Variants in ZNF326 observed in about 807,000 individuals in gnomAD.
ZNF326 encodes the protein zinc finger protein 326, also known as DBIRD complex subunit ZNF326.
Under a neutral mutation model 63.1 loss-of-function variants are expected in ZNF326, and 30 were observed. The ratio of observed to expected loss-of-function variants is 0.48; its 90% CI spans 0.36 to 0.64. ZNF326 has a LOEUF of 0.64. ZNF326 is among the 30% of genes least tolerant of loss of function. ZNF326 has a pLI of 0.00. For synonymous variants in ZNF326, 194 were observed against 228.2 expected (o/e 0.85, Z 1.35); for missense variants, 609 against 720.3 (o/e 0.85, Z 1.77).
chr1:89,998,934 A>T (rs1048641728), intron 2 of ZNF326, among the ~76,000 whole-genome samples: 1 of 152,246 alleles, frequency 6.6e-6, no homozygotes, highest in Admixed American at 6.5e-5. Flanking sequence ...TATGCCATTT[A>T]TGGGAATAAT....
intron 1 of ZNF326, among the ~76,000 whole-genome samples, chr1:89,996,297 T>G (rs1648370012): frequency 6.6e-6 from 1 of 152,212 alleles, no homozygotes; most frequent in Non-Finnish European, 1.5e-5. Flanking sequence ...CTAAGTAGGC[T>G]GTAAACTTTT....
At position 90,035,319 on chromosome 1, in the gene ZNF326, AGTTTT is replaced by A. The variant is rs1351062441; in HGVS notation, c.*7623_*7627del. The stretch of plus-strand genomic sequence containing the variant: ...AAAACTATTAGAAATGACAAAAGGT[AGTTTT>A]GTTTAATAGTTCACCATGAAAATCT... On this transcript the variant is annotated 3_prime_UTR_variant, in exon 12 of 12. Transcript: ENST00000340281. The A allele has an allele frequency of 6.6e-6, 1 of 152,226 alleles. No individual in the cohort carries two copies. The highest frequency in any genetic ancestry group is 1.5e-5 in the Non-Finnish European group (1 of 68,016). The allele number at this position is 152,226 out of a possible 1,614,324, so 9.4% of individuals were successfully genotyped here.
At chr1:90,018,159 G>T (rs1032196954) in intron 8 of ZNF326, among the ~76,000 whole-genome samples, 4 of 152,040 alleles carry the variant, frequency 2.6e-5, no homozygotes, top group Non-Finnish European at 5.9e-5. Flanking sequence ...AGGCGTGGTG[G>T]CGCGTGCCTG....
At chr1:90,004,941 T>G in intron 2 of ZNF326, 62 bp from the exon 3 acceptor site, 1 of 1,457,500 alleles carries the variant, frequency 6.9e-7, no homozygotes, top group Non-Finnish European at 9.6e-7. Flanking sequence ...TTGTGTTTTG[T>G]GCAAAGATCC....
intron 10 of ZNF326, 53 bp downstream of exon 10, chr1:90,020,975 A>G (rs2101087874): frequency 1.3e-6 from 2 of 1,589,682 alleles, no homozygotes; most frequent in African/African-American, 1.3e-5. Context: ...TCAATCTTTT[A>G]TTGTTCTTTG....
chr1:90,016,536 C>A (rs1284054117), intron 7 of ZNF326, among the ~76,000 whole-genome samples: 1 of 151,610 alleles, frequency 6.6e-6, no homozygotes. Context: ...GCCAAGGTGG[C>A]AAAAACCCTG....
chr1:90,020,894 A>G lies in ZNF326; in HGVS notation c.1277A>G (p.Lys426Arg), dbSNP rs2101087696. The G allele has an allele frequency of 1.2e-6, 2 of 1,613,136 alleles. No individual in the cohort carries two copies. Among genetic ancestry groups the G allele is most frequent in the East Asian group, 4.5e-5 (2 of 44,804 alleles). Reference sequence around the variant, plus strand: ...CATAGTTCAGTTCAGCAGCACTTAAAATCTCCTGATCATATCAAAGGGAAG... The same window carrying G: ...CATAGTTCAGTTCAGCAGCACTTAAGATCTCCTGATCATATCAAAGGGAAG... ...ALHSSVQQHL[K>R]SPDHIKGKQA... The change falls in exon 10 of 12, where the codon AAA becomes AGA. Residue 426 changes from lysine (K) to arginine (R), a missense_variant. Coordinates refer to ENST00000340281, the MANE Select transcript of ZNF326 (RefSeq NM_182976.4).
intron 5 of ZNF326, among the ~76,000 whole-genome samples, chr1:90,008,510 A>G (rs1046164446): frequency 6.6e-6 from 1 of 152,224 alleles, no homozygotes; most frequent in African/African-American, 2.4e-5. Context: ...TTTAGGGTAC[A>G]TAGTGTAAAC....
intron 6 of ZNF326, among the ~76,000 whole-genome samples, chr1:90,011,256 T>C (rs1649217247): frequency 6.6e-6 from 1 of 152,138 alleles, no homozygotes; most frequent in South Asian, 2.1e-4. Flanking sequence ...AAAATGGGCA[T>C]TTAAAAAGAT....
rs2101063201 is a variant in ZNF326, at chr1:90,007,001, T to G, written c.210-344T>G. ...TAGATTCAAAAAAGTTTGAATAGTT[T>G]GTGAACTTTAGCAAATGACCTTTTC... On this transcript the variant is annotated intron_variant, in intron 4 of 11. Coordinates refer to ENST00000340281, the MANE Select transcript of ZNF326 (RefSeq NM_182976.4). The surrounding 1 kb of genome is among the most constrained non-coding windows in gnomAD (Gnocchi z 4.9). Among the ~76,000 whole-genome samples, 1 of 152,364 alleles carries G rather than the reference T, an allele frequency of 6.6e-6. No homozygotes were observed. Among genetic ancestry groups the G allele is most frequent in the East Asian group, 1.9e-4 (1 of 5,190 alleles).
chr1:90,017,680 T>C lies in ZNF326; in HGVS notation c.1074+216T>C, dbSNP rs564917666. Among the ~76,000 whole-genome samples, 3 of 152,354 alleles carry C rather than the reference T, an allele frequency of 2.0e-5. No individual in the cohort carries two copies. The South Asian group carries it at 6.2e-4, about 32-fold the overall frequency. On this transcript the variant is annotated intron_variant, in intron 8 of 11. Coordinates refer to ENST00000340281, the MANE Select transcript of ZNF326 (RefSeq NM_182976.4). ...CAGAAATTATTACATTTTTCACAGT[T>C]TCTGCGGGAGGTGTCCTTTAACAAC...
chr1:90,029,387 G>A lies in ZNF326; in HGVS notation c.*1686G>A, dbSNP rs1303500209. On this transcript the variant is annotated 3_prime_UTR_variant, in exon 12 of 12. Transcript: ENST00000340281. ...AGGGATTTGGTGCCAAATAAGAGAA[G>A]GGTAGTTGAAGACTAGATAAATTTG... 6.6e-5 allele frequency: 10 copies of A among 151,858 alleles called. No individual in the cohort carries two copies. The highest frequency in any genetic ancestry group is 2.9e-5 in the Non-Finnish European group (2 of 67,990). 9.4% of individuals were successfully genotyped at this position (151,858 alleles called of 1,614,324 possible).
chr1:90,022,012 A>C (rs942953459), intron 10 of ZNF326, among the ~76,000 whole-genome samples: 4 of 152,132 alleles, frequency 2.6e-5, no homozygotes, highest in Admixed American at 2.0e-4. Context: ...ATCTAGTAGA[A>C]TCTAGACTTG....
chr1:90,012,751 C>T (rs573169514), intron 6 of ZNF326, among the ~76,000 whole-genome samples: 1 of 152,284 alleles, frequency 6.6e-6, no homozygotes, highest in East Asian at 1.9e-4. Flanking sequence ...CTTCCATTTT[C>T]ATGCTCGGTC....
chr1:90,009,838 A>T (rs1240748269), intron 5 of ZNF326, among the ~76,000 whole-genome samples: 1 of 152,170 alleles, frequency 6.6e-6, no homozygotes, highest in East Asian at 1.9e-4. Context: ...ATGTAAAAGT[A>T]AAAACATAGT....
chr1:90,016,523 C>T (rs796999587), intron 7 of ZNF326, among the ~76,000 whole-genome samples: 3 of 152,066 alleles, frequency 2.0e-5, no homozygotes, highest in African/African-American at 7.2e-5. Context: ...CAAGACCAGC[C>T]TGGCCAAGGT....
At chr1:90,012,306 C>T (rs1280518420) in intron 6 of ZNF326, among the ~76,000 whole-genome samples, 1 of 152,098 alleles carries the variant, frequency 6.6e-6, no homozygotes, top group Non-Finnish European at 1.5e-5. Context: ...CATGGTACAA[C>T]ATGGGTGAAC....
In ZNF326 at chr1:90,005,229, G is replaced by A. The variant is rs891281401; in HGVS notation, c.194G>A (p.Gly65Asp). The change falls in exon 4 of 12, where the codon GGT (glycine) becomes GAT (aspartate). Residue 65 changes from glycine (G) to aspartate (D), a missense_variant. Transcript: ENST00000340281. The part of the protein sequence containing the change: ...QSYGMDNHSG[G>D]GGGSRFGPYE... ...TATGGCATGGACAATCACAGTGGTGGTGGTGGGGGTAGCAGGTAAATTGCT... is the reference window on the plus strand; with the variant it reads ...TATGGCATGGACAATCACAGTGGTGATGGTGGGGGTAGCAGGTAAATTGCT... 5 of 1,613,200 alleles carry A rather than the reference G, an allele frequency of 3.1e-6. No individual in the cohort carries two copies. The East Asian group carries it at 8.9e-5, about 29-fold the overall frequency.
chr1:90,020,757 G>C (rs1419720566), intron 9 of ZNF326, 35 bp from the exon 10 acceptor site: 1 of 1,574,728 alleles, frequency 6.4e-7, no homozygotes, highest in Non-Finnish European at 8.6e-7. Context: ...AATAACATAT[G>C]AATTATTTCT....
Sources: gnomAD v4.1 joint callset for allele counts (sites outside exome capture counted in the v4.1 genomes callset) on GRCh38, gnomAD v4.1.1 for gene constraint, Gnocchi (gnomAD v3.1) non-coding constraint, MANE v1.5 for transcripts, NCBI Gene and HGNC (gene_info 2026-07-23, HGNC 2026-07-21) for gene names.